Variants in EPCAM observed in about 807,000 individuals in gnomAD.
EPCAM encodes adenocarcinoma-associated antigen.
A neutral mutation model predicts 40.0 loss-of-function variants in EPCAM; 39 were observed. That is an observed-to-expected ratio of 0.98 (90% confidence interval 0.76 to 1.27). The LOEUF (loss-of-function observed/expected upper bound fraction) is 1.27, where lower values mean the gene tolerates loss of function less well. Among genes scored for constraint, EPCAM ranks in the 50% most tolerant of loss-of-function variants. The pLI, the probability that EPCAM is intolerant of heterozygous loss-of-function variation, is 0.00. For synonymous variants in EPCAM, 168 were observed against 132.3 expected, an observed-to-expected ratio of 1.27 and a Z score of -1.85; for missense variants, 503 against 381.2, an observed-to-expected ratio of 1.32 and a Z score of -2.66.
chr2:47,382,243 A>G (rs903914301), intron 7 of EPCAM, among the ~76,000 whole-genome samples: 1 of 152,240 alleles, frequency 6.6e-6, no homozygotes. Context: ...AGAAAGAATG[A>G]CAACAGGTAG....
At chr2:47,386,104 G>C (rs1251943437) in intron 8 of EPCAM, among the ~76,000 whole-genome samples, 1 of 152,124 alleles carries the variant, frequency 6.6e-6, no homozygotes, top group Non-Finnish European at 1.5e-5. Flanking sequence ...GTAAAGTGTT[G>C]GTCCCATGCT....
rs192149145 is a variant in EPCAM at position 47,371,448 on chromosome 2, G to C, written c.76+1867G>C. Among the ~76,000 whole-genome samples, 174 of 152,332 alleles carry C rather than the reference G, an allele frequency of 1.1e-3. 2 individuals are homozygous for C. The highest frequency in any genetic ancestry group is 4.0e-3 in the African/African-American group (166 of 41,574). On this transcript the variant is annotated intron_variant, in intron 1 of 8. Coordinates refer to ENST00000263735, the MANE Select transcript of EPCAM (RefSeq NM_002354.3). ...CATCTCTTGGTTTATTTGTAAGATG[G>C]TGCCTAGAAGTGGAGTGGCGTTTGC...
At chr2:47,381,392 C>CAA (rs370875469) in intron 7 of EPCAM, among the ~76,000 whole-genome samples, 27,867 of 73,860 alleles carry the variant, frequency 0.38, 3,899 homozygotes, top group East Asian at 0.55. Context: ...AACTCCGTCT[C>CAA]AAAAAAAAAA....
Position 47,373,844 on chromosome 2 carries a change from A to G in EPCAM, c.221A>G (p.Asn74Ser), listed in dbSNP as rs780532486. ...AKCLVMKAEM[N>S]GSKLGRRAKP... ...TGTTTGGTGATGAAGGCAGAAATGA[A>G]TGGCTCAAAACTTGGGAGAAGAGCA... The change falls in exon 3 of 9, where the codon AAT becomes AGT. Residue 74 changes from asparagine to serine, a missense_variant. By Grantham distance (46) the Asn-to-Ser change is conservative (BLOSUM62 1). Coordinates refer to ENST00000263735, the MANE Select transcript of EPCAM (RefSeq NM_002354.3). 2 of 1,614,130 alleles carry G rather than the reference A, an allele frequency of 1.2e-6. No homozygotes were observed. The highest frequency in any genetic ancestry group is 1.1e-5 in the South Asian group (1 of 91,080).
In EPCAM at chr2:47,383,607, CTTTTTTT is replaced by C. The variant is rs760722807; in HGVS notation, c.859-1520_859-1514del. On this transcript the variant is annotated intron_variant, in intron 7 of 8. Transcript: ENST00000263735. ...CATGAGCCACTGTGCCCGGCTTCTT[CTTTTTTT>C]TTTTTTTTTTTTTTTTTTTTTTTTT... 7.1e-3 allele frequency among the ~76,000 whole-genome samples: 259 copies of C among 36,442 alleles called. 12 individuals are homozygous for C. The highest frequency in any genetic ancestry group is 0.018 in the African/African-American group (238 of 13,540). The allele number at this position is 36,442 out of a possible 152,430, so 23.9% of individuals were successfully genotyped here.
chr2:47,377,361 C>G (rs965921575), intron 5 of EPCAM, among the ~76,000 whole-genome samples: 6 of 151,984 alleles, frequency 3.9e-5, no homozygotes, highest in Non-Finnish European at 7.4e-5. Flanking sequence ...CTCAGCCTCC[C>G]GAGGAGCTGG....
intron 1 of EPCAM, among the ~76,000 whole-genome samples, chr2:47,371,265 C>G (rs1671256922): frequency 6.6e-6 from 1 of 152,214 alleles, no homozygotes; most frequent in Non-Finnish European, 1.5e-5. Flanking sequence ...GTCTCTCTCT[C>G]TCTCTTTTTT....
chr2:47,377,450 T>C (rs905390953), intron 5 of EPCAM, among the ~76,000 whole-genome samples: 1 of 152,044 alleles, frequency 6.6e-6, no homozygotes, highest in African/African-American at 2.4e-5. Context: ...TTGGCCAGGC[T>C]GGTCTCGAAC....
At chr2:47,378,460 G>GA (rs1558437758) in intron 5 of EPCAM, among the ~76,000 whole-genome samples, 5 of 151,632 alleles carry the variant, frequency 3.3e-5, no homozygotes, top group African/African-American at 1.2e-4. Flanking sequence ...GTGTCACCAC[G>GA]CCTGGCTAAT....
chr2:47,373,276 A>G (rs561714934), intron 1 of EPCAM, among the ~76,000 whole-genome samples, 187 bp from the exon 2 acceptor site: 31 of 150,140 alleles, frequency 2.1e-4, no homozygotes, highest in Non-Finnish European at 3.4e-4. Context: ...TGTATACAGT[A>G]TGCAAACTTT....
At chr2:47,372,953 C>G (rs1671314659) in intron 1 of EPCAM, among the ~76,000 whole-genome samples, 1 of 151,914 alleles carries the variant, frequency 6.6e-6, no homozygotes, top group Admixed American at 6.6e-5. Flanking sequence ...TGCCTGTAAT[C>G]CCAGCACTTT....
chr2:47,371,140 C>T (rs530061621), intron 1 of EPCAM, among the ~76,000 whole-genome samples: 30 of 151,542 alleles, frequency 2.0e-4, no homozygotes, highest in African/African-American at 6.8e-4. Context: ...TCACCACACC[C>T]GGCCTTAAAA....
At chr2:47,380,922 C>G (rs10183095) in intron 7 of EPCAM, among the ~76,000 whole-genome samples, 1 of 151,096 alleles carries the variant, frequency 6.6e-6, no homozygotes, top group African/African-American at 2.4e-5. Flanking sequence ...AACCCTGTCT[C>G]TACTGAACAT....
intron 7 of EPCAM, among the ~76,000 whole-genome samples, chr2:47,381,233 C>G (rs907908980): frequency 1.3e-5 from 2 of 150,384 alleles, no homozygotes; most frequent in Non-Finnish European, 3.0e-5. Context: ...CCCATCTCTA[C>G]TAAAAATACA....
intron 3 of EPCAM, among the ~76,000 whole-genome samples, chr2:47,374,679 T>A (rs1179856771): frequency 1.3e-5 from 2 of 152,150 alleles, no homozygotes; most frequent in Non-Finnish European, 2.9e-5. Flanking sequence ...TTTCCACTCT[T>A]GTTGCCCAGG....
At chr2:47,372,784 A>G (rs1282701740) in intron 1 of EPCAM, among the ~76,000 whole-genome samples, 2 of 152,072 alleles carry the variant, frequency 1.3e-5, no homozygotes, top group African/African-American at 4.8e-5. Flanking sequence ...GAAGAAAAAC[A>G]AAAAAAGGCA....
chr2:47,381,837 A>G (rs116401476), intron 7 of EPCAM, among the ~76,000 whole-genome samples: 2,776 of 152,182 alleles, frequency 0.018, 74 homozygotes, highest in African/African-American at 0.063. Context: ...CATGATCATA[A>G]CTCACTGCAA....
chr2:47,383,628 T>C lies in EPCAM; in HGVS notation c.859-1538T>C, dbSNP rs1671657918. On this transcript the variant is annotated intron_variant, in intron 7 of 8. Coordinates refer to ENST00000263735, the MANE Select transcript of EPCAM (RefSeq NM_002354.3). Reference sequence around the variant, plus strand: ...TCTTCTTTTTTTTTTTTTTTTTTTTTTTTTTTTTTTTTTTTTTTTTTTTTG... The same window carrying C: ...TCTTCTTTTTTTTTTTTTTTTTTTTCTTTTTTTTTTTTTTTTTTTTTTTTG... Among the ~76,000 whole-genome samples, 4 of 83,392 alleles carry C rather than the reference T, an allele frequency of 4.8e-5. 1 individual carries two copies. In the Admixed American group the frequency reaches 5.3e-4, roughly 11 times the overall value. 54.7% of individuals were successfully genotyped at this position (83,392 alleles called of 152,430 possible). A position where few individuals can be genotyped will look rare whatever the true frequency, so the allele number is the denominator to read the frequency against.
In EPCAM at chr2:47,380,412, A is replaced by G. The variant is rs565174810; in HGVS notation, c.858+443A>G. ...ATTTTTAAATAATTTTTTTATGGTG[A>G]ATGAATCTATTGTATCTCTGGTCTC... On this transcript the variant is annotated intron_variant, in intron 7 of 8. Transcript: ENST00000263735. Among the ~76,000 whole-genome samples the G allele has an allele frequency of 7.7e-4, 117 of 152,336 alleles. 1 individual carries two copies. In the South Asian group the frequency reaches 0.023, roughly 30 times the overall value.
Sources: gnomAD v4.1 joint callset for allele counts (sites outside exome capture counted in the v4.1 genomes callset) on GRCh38, gnomAD v4.1.1 for gene constraint, MANE v1.5 for transcripts, NCBI Gene and HGNC (gene_info 2026-07-23, HGNC 2026-07-21) for gene names.